The following KIAA1328 variants were observed in gnomAD, a reference collection of about 807,000 sequenced individuals.
KIAA1328 encodes the protein KIAA1328.
KIAA1328 carries 52 observed loss-of-function variants against 68.1 expected under a neutral mutation model. The observed-to-expected ratio is 0.76, with a 90% CI of 0.61 to 0.96. The LOEUF is 0.96. Ranked by LOEUF, KIAA1328 falls within the 40% of genes least tolerant of loss-of-function variation. KIAA1328 has a pLI of 0.00. For missense variants in KIAA1328, 641 were observed against 677.6 expected (o/e 0.95, Z 0.60); for synonymous variants, 232 against 239.4 (o/e 0.97, Z 0.28).
At chr18:36,923,347 A>G (rs1200397763) in intron 5 of KIAA1328, among the ~76,000 whole-genome samples, 1 of 152,198 alleles carries the variant, frequency 6.6e-6, no homozygotes, top group East Asian at 1.9e-4. Flanking sequence ...GAAAAGCAAT[A>G]GAGACAATGA....
chr18:37,110,385 A>G (rs770407094), intron 7 of KIAA1328, among the ~76,000 whole-genome samples: 2 of 152,232 alleles, frequency 1.3e-5, no homozygotes, highest in Non-Finnish European at 2.9e-5. Flanking sequence ...ACGTTTGCCT[A>G]TAAGACCTTT....
intron 8 of KIAA1328, 32 bp from the exon 9 acceptor site, chr18:37,172,941 T>C (rs766279716): frequency 6.6e-7 from 1 of 1,512,674 alleles, no homozygotes; most frequent in East Asian, 2.3e-5. Flanking sequence ...TTTTACTGAA[T>C]GCCCAAATTA....
chr18:37,030,001 A>C (rs895966648), intron 6 of KIAA1328, among the ~76,000 whole-genome samples: 2 of 152,214 alleles, frequency 1.3e-5, no homozygotes, highest in African/African-American at 4.8e-5. Flanking sequence ...ATAATTCAGC[A>C]TGCATAACAT....
chr18:36,865,411 G>C (rs1007591367), intron 4 of KIAA1328, among the ~76,000 whole-genome samples: 1 of 152,048 alleles, frequency 6.6e-6, no homozygotes, highest in Non-Finnish European at 1.5e-5. Flanking sequence ...ATTATGAATA[G>C]AGAATAACTT....
At chr18:37,017,733 A>C (rs1434544030) in intron 6 of KIAA1328, among the ~76,000 whole-genome samples, 1 of 152,008 alleles carries the variant, frequency 6.6e-6, no homozygotes, top group Non-Finnish European at 1.5e-5. Flanking sequence ...GTCCTTTTTT[A>C]GGATTATTAG....
intron 9 of KIAA1328, 80 bp from the exon 10 acceptor site, chr18:37,221,937 C>CA: frequency 5.2e-6 from 7 of 1,349,206 alleles, no homozygotes; most frequent in Non-Finnish European, 6.2e-6. Flanking sequence ...TTGCCCTGGA[C>CA]AGCCCATTTC....
chr18:37,009,855 A>G (rs905868336), intron 6 of KIAA1328, among the ~76,000 whole-genome samples: 6 of 152,198 alleles, frequency 3.9e-5, no homozygotes, highest in African/African-American at 1.4e-4. Context: ...TTACAAGGAA[A>G]AGAAAATACC....
chr18:37,201,490 T>C (rs2060113745), intron 9 of KIAA1328, among the ~76,000 whole-genome samples: 2 of 152,166 alleles, frequency 1.3e-5, no homozygotes, highest in Admixed American at 1.3e-4. Flanking sequence ...CTCTCTCCAG[T>C]TCCCCTTTTT....
intron 5 of KIAA1328, chr18:36,925,076 A>T (rs893836022): frequency 6.6e-6 from 1 of 152,218 alleles, no homozygotes; most frequent in African/African-American, 2.4e-5. Flanking sequence ...TAAAATGATA[A>T]TACACCATGG....
chr18:36,849,428 G>A (rs2047140402), intron 4 of KIAA1328, among the ~76,000 whole-genome samples: 6 of 151,850 alleles, frequency 4.0e-5, no homozygotes. Flanking sequence ...CCATTTTCTT[G>A]TTTCCCTGTG....
downstream of KIAA1328, chr18:37,225,461 GAGCC>G: frequency 6.6e-6 from 2 of 305,050 alleles, no homozygotes; most frequent in Non-Finnish European, 9.6e-6. Flanking sequence ...AAAACAGCAG[GAGCC>G]TGTCGTTGAC....
chr18:36,970,609 C>G (rs572560250), intron 6 of KIAA1328, among the ~76,000 whole-genome samples: 4 of 152,326 alleles, frequency 2.6e-5, no homozygotes, highest in Non-Finnish European at 5.9e-5. Context: ...AGCAAAGTCT[C>G]AGGATACAAA....
chr18:36,909,850 T>C (rs1439357086), intron 5 of KIAA1328, among the ~76,000 whole-genome samples: 1 of 152,258 alleles, frequency 6.6e-6, no homozygotes, highest in Non-Finnish European at 1.5e-5. Flanking sequence ...TGGTATCTTG[T>C]TGTGGCTTTG....
At chr18:37,001,330 ATAAAACC>A (rs2053579404) in intron 6 of KIAA1328, among the ~76,000 whole-genome samples, 2 of 152,244 alleles carry the variant, frequency 1.3e-5, no homozygotes, top group Non-Finnish European at 2.9e-5. Context: ...AGGAAGAAAT[ATAAAACC>A]TAAACAGACT....
chr18:37,054,196 T>G (rs951230318), intron 6 of KIAA1328, among the ~76,000 whole-genome samples: 9 of 152,144 alleles, frequency 5.9e-5, no homozygotes, highest in Non-Finnish European at 1.2e-4. Context: ...AAGGGAACAG[T>G]TACAACTTGT....
rs202088823 is a variant in KIAA1328, at chr18:36,919,801, GC to G, written c.448+34130del. Among the ~76,000 whole-genome samples, 35 of 152,104 alleles carry G rather than the reference GC, an allele frequency of 2.3e-4. No homozygotes were observed. The East Asian group carries it at 5.0e-3, about 22-fold the overall frequency. On this transcript the variant is annotated intron_variant, in intron 5 of 9. Coordinates refer to ENST00000280020, the MANE Select transcript of KIAA1328 (RefSeq NM_020776.3). ...AAATGATACCTCATGGTTTTGATTTGCATTTCTCTAATGATTAGTGATGTTG... is the reference window on the plus strand; with the variant it reads ...AAATGATACCTCATGGTTTTGATTTGATTTCTCTAATGATTAGTGATGTTG...
intron 4 of KIAA1328, among the ~76,000 whole-genome samples, chr18:36,855,105 TGTTATGAAC>T (rs1459499717): frequency 1.3e-5 from 2 of 152,176 alleles, no homozygotes; most frequent in Non-Finnish European, 2.9e-5. Context: ...TGTATGGTGC[TGTTATGAAC>T]ATTTATGTAC....
intron 7 of KIAA1328, among the ~76,000 whole-genome samples, chr18:37,071,057 C>CTTTCTTTTTTT (rs2056510043): frequency 1.2e-5 from 1 of 86,846 alleles, no homozygotes. Context: ...TTTTTTCTTC[C>CTTTCTTTTTTT]TTTTTTTTTT....
chr18:37,058,760 G>C (rs1379056287), intron 6 of KIAA1328, among the ~76,000 whole-genome samples: 1 of 151,972 alleles, frequency 6.6e-6, no homozygotes, highest in East Asian at 1.9e-4. Flanking sequence ...AAGTAAAACT[G>C]AACTCTAGTA....
Sources: allele counts gnomAD v4.1 joint callset (sites outside exome capture counted in the v4.1 genomes callset), GRCh38; gene constraint gnomAD v4.1.1; transcripts MANE v1.5; gene names NCBI Gene and HGNC (gene_info 2026-07-23, HGNC 2026-07-21).